The following FARSB variants were observed in gnomAD, a reference collection of about 807,000 sequenced individuals.
The protein encoded by FARSB is phenylalanine--tRNA ligase beta subunit.
In FARSB, 40 loss-of-function variants were observed where a neutral mutation model predicts 69.6. The observed-to-expected ratio is 0.57, with a 90% CI of 0.45 to 0.75. The LOEUF is 0.75. Ranked by LOEUF, FARSB falls within the 30% of genes least tolerant of loss-of-function variation. FARSB has a pLI of 0.00. For missense variants in FARSB, 632 were observed against 722.9 expected, an observed-to-expected ratio of 0.87 and a Z score of 1.44; for synonymous variants, 235 against 247.2, an observed-to-expected ratio of 0.95 and a Z score of 0.46.
intron 16 of FARSB, among the ~76,000 whole-genome samples, chr2:222,580,233 CTATATT>C (rs538524671): frequency 2.2e-4 from 33 of 152,172 alleles, no homozygotes; most frequent in Non-Finnish European, 4.3e-4. Flanking sequence ...TCACATTCCA[CTATATT>C]TATATGTCAT....
At chr2:222,649,860 T>G (rs769767000) in intron 1 of FARSB, among the ~76,000 whole-genome samples, 1 of 152,236 alleles carries the variant, frequency 6.6e-6, no homozygotes, top group Non-Finnish European at 1.5e-5. Flanking sequence ...AGCAGTATAT[T>G]CTAGCGAAAA....
intron 2 of FARSB, among the ~76,000 whole-genome samples, chr2:222,648,493 T>C (rs1298914627): frequency 6.6e-6 from 1 of 152,172 alleles, no homozygotes; most frequent in African/African-American, 2.4e-5. Context: ...ACACATTCTA[T>C]CCATTTCCAC....
chr2:222,623,644 A>G lies in FARSB; in HGVS notation c.1251+6T>C. On this transcript the variant is annotated splice_donor_region_variant and intron_variant, in intron 13 of 16. Coordinates refer to ENST00000281828, the MANE Select transcript of FARSB (RefSeq NM_005687.5). Reference sequence around the variant, plus strand: ...CATCTGGGCAGAAAAAGCATGTAAGACATACCAGGGCAAAGGTAAGTGCTT... The same window carrying G: ...CATCTGGGCAGAAAAAGCATGTAAGGCATACCAGGGCAAAGGTAAGTGCTT... 3.9e-6 allele frequency: 6 copies of G among 1,541,738 alleles called. No individual in the cohort carries two copies. The highest frequency in any genetic ancestry group is 2.2e-5 in the East Asian group (1 of 44,562).
chr2:222,653,957 G>GA (rs554156502), intron 1 of FARSB, among the ~76,000 whole-genome samples: 40 of 151,410 alleles, frequency 2.6e-4, no homozygotes, highest in African/African-American at 8.7e-4. Context: ...ACATATTTGT[G>GA]AAAAAATCAA....
chr2:222,629,114 G>T (rs1691352455), intron 9 of FARSB, among the ~76,000 whole-genome samples: 1 of 151,984 alleles, frequency 6.6e-6, no homozygotes, highest in East Asian at 1.9e-4. Context: ...CTACTTGAAA[G>T]GTTTATTTTC....
intron 16 of FARSB, among the ~76,000 whole-genome samples, chr2:222,584,877 C>T (rs1188815892): frequency 6.6e-6 from 1 of 152,226 alleles, no homozygotes; most frequent in East Asian, 1.9e-4. Context: ...CTCAGCTCAA[C>T]AAGGCCTGCC....
intron 12 of FARSB, 142 bp downstream of exon 12, chr2:222,624,130 T>A (rs1455599382): frequency 9.3e-6 from 6 of 646,464 alleles, no homozygotes; most frequent in Non-Finnish European, 1.7e-5. Context: ...CTGTTTTGTA[T>A]CCTCTCCACA....
intron 16 of FARSB, among the ~76,000 whole-genome samples, chr2:222,589,209 C>G (rs1355385208): frequency 1.3e-5 from 2 of 152,132 alleles, no homozygotes; most frequent in African/African-American, 2.4e-5. Context: ...AATAATACCA[C>G]ACATCTACAA....
In FARSB at chr2:222,587,209, A is replaced by C. The variant is rs1455088526; in HGVS notation, c.1618+12719T>G. Among the ~76,000 whole-genome samples the C allele has an allele frequency of 3.9e-5, 6 of 152,248 alleles. No individual in the cohort carries two copies. In the East Asian group the frequency reaches 9.6e-4, roughly 24 times the overall value. Reference sequence around the variant, plus strand: ...GAACTCAGTATTAAGAAACTTACTCAAAACCACACAACTACATGGAAACTG... The same window carrying C: ...GAACTCAGTATTAAGAAACTTACTCCAAACCACACAACTACATGGAAACTG... On this transcript the variant is annotated intron_variant, in intron 16 of 16. Transcript: ENST00000281828.
intron 5 of FARSB, among the ~76,000 whole-genome samples, chr2:222,635,886 C>T (rs918603825): frequency 6.6e-6 from 1 of 151,924 alleles, no homozygotes. Context: ...TCAAGACCAG[C>T]CTGGGCAACA....
chr2:222,574,138 A>C (rs1689778697), intron 16 of FARSB, among the ~76,000 whole-genome samples: 1 of 151,150 alleles, frequency 6.6e-6, no homozygotes, highest in South Asian at 2.1e-4. Context: ...TTTACTTCAT[A>C]AAACAACTTT....
rs143406123 is a variant in FARSB, at chr2:222,628,533, T to C, written c.900+304A>G. 2.0e-4 allele frequency among the ~76,000 whole-genome samples: 31 copies of C among 152,358 alleles called. No homozygotes were observed. The East Asian group carries it at 6.0e-3, about 29-fold the overall frequency. On this transcript the variant is annotated intron_variant, in intron 10 of 16. Coordinates refer to ENST00000281828, the MANE Select transcript of FARSB (RefSeq NM_005687.5). Reference sequence around the variant, plus strand: ...ATTATGACCACACAATGTTGTTGTATAATGTTGTGTTTACAGCTGCTGTCA... The same window carrying C: ...ATTATGACCACACAATGTTGTTGTACAATGTTGTGTTTACAGCTGCTGTCA...
intron 9 of FARSB, among the ~76,000 whole-genome samples, chr2:222,629,535 G>C (rs945854871): frequency 1.3e-5 from 2 of 152,090 alleles, no homozygotes; most frequent in African/African-American, 4.8e-5. Flanking sequence ...CCCAAACACA[G>C]CTTAAATTTC....
intron 13 of FARSB, 97 bp downstream of exon 13, chr2:222,623,553 T>C: frequency 1.2e-6 from 1 of 802,726 alleles, no homozygotes; most frequent in East Asian, 2.5e-5. Flanking sequence ...GTTCTAACAG[T>C]CTAGATTTTA....
intron 1 of FARSB, among the ~76,000 whole-genome samples, chr2:222,653,779 C>T (rs1329915005): frequency 1.3e-5 from 2 of 152,146 alleles, no homozygotes; most frequent in South Asian, 2.1e-4. Context: ...TACACGTATA[C>T]ACCACCACAC....
At chr2:222,613,729 T>G (rs1690917770) in intron 15 of FARSB, 82 bp downstream of exon 15, 1 of 860,798 alleles carries the variant, frequency 1.2e-6, no homozygotes, top group African/African-American at 1.7e-5. Context: ...CTATTTTTTC[T>G]GCTTTTATGT....
intron 4 of FARSB, 107 bp downstream of exon 4, chr2:222,640,738 AGAGCCAGACCCTGTCTC>A: frequency 1.7e-6 from 1 of 587,538 alleles, no homozygotes. Context: ...TCTGGGCAAA[AGAGCCAGACCCTGTCTC>A]AAAACAAAAA....
intron 10 of FARSB, among the ~76,000 whole-genome samples, chr2:222,626,205 C>T (rs1209701547): frequency 7.4e-6 from 1 of 134,400 alleles, no homozygotes; most frequent in East Asian, 2.2e-4. Flanking sequence ...GCTGATGCTA[C>T]TGCACTCCAG....
chr2:222,596,688 G>A (rs1270396390), intron 16 of FARSB, among the ~76,000 whole-genome samples: 1 of 152,110 alleles, frequency 6.6e-6, no homozygotes, highest in Non-Finnish European at 1.5e-5. Flanking sequence ...TAAACTGGAG[G>A]AAATGATGCA....
Sources: gnomAD v4.1 joint callset for allele counts (sites outside exome capture counted in the v4.1 genomes callset) on GRCh38, gnomAD v4.1.1 for gene constraint, MANE v1.5 for transcripts, NCBI Gene and HGNC (gene_info 2026-07-23, HGNC 2026-07-21) for gene names.